KCNAB1: variants seen among roughly 807,000 people sequenced by gnomAD.
KCNAB1 encodes voltage-gated potassium channel subunit beta-1.
Under a neutral mutation model 64.6 loss-of-function variants are expected in KCNAB1, and 35 were observed. That is an observed-to-expected ratio of 0.54 (90% CI 0.41 to 0.72). KCNAB1 has a LOEUF of 0.72. Ranked by LOEUF, KCNAB1 falls within the 30% of genes least tolerant of loss-of-function variation. The pLI, the probability that KCNAB1 is intolerant of heterozygous loss-of-function variation, is 0.00. For synonymous variants in KCNAB1, 177 were observed against 183.8 expected (o/e 0.96, Z 0.30); for missense variants, 401 against 512.9 (o/e 0.78, Z 2.11).
chr3:156,468,352 C>CGT (rs374488333), intron 7 of KCNAB1, among the ~76,000 whole-genome samples: 21 of 151,178 alleles, frequency 1.4e-4, no homozygotes, highest in African/African-American at 3.9e-4. Context: ...TGTGTGCATG[C>CGT]GTGTGTGTGT....
intron 1 of KCNAB1, among the ~76,000 whole-genome samples, chr3:156,341,922 G>A (rs917650696): frequency 6.6e-6 from 1 of 151,980 alleles, no homozygotes; most frequent in Non-Finnish European, 1.5e-5. Flanking sequence ...TAGATTTCAT[G>A]ACAAACTAAT....
intron 1 of KCNAB1, among the ~76,000 whole-genome samples, chr3:156,328,328 A>G (rs1187038672): frequency 6.6e-6 from 1 of 152,144 alleles, no homozygotes; most frequent in African/African-American, 2.4e-5. Context: ...GAGCTATAGC[A>G]GAAGCTTGGA....
At chr3:156,313,137 T>G (rs983064683) in intron 1 of KCNAB1, among the ~76,000 whole-genome samples, 2 of 152,114 alleles carry the variant, frequency 1.3e-5, no homozygotes, top group African/African-American at 4.8e-5. Flanking sequence ...TTAAATGAAA[T>G]CCAATGAAAG....
chr3:156,465,788 T>C, intron 7 of KCNAB1, 102 bp downstream of exon 7: 2 of 967,530 alleles, frequency 2.1e-6, no homozygotes, highest in South Asian at 2.8e-5. Context: ...GAAAAAGTTC[T>C]ATATGAAAAG....
intron 8 of KCNAB1, among the ~76,000 whole-genome samples, chr3:156,491,170 A>G (rs1576934414): frequency 6.6e-6 from 1 of 152,152 alleles, no homozygotes; most frequent in South Asian, 2.1e-4. Context: ...ACCAACACAT[A>G]AAGATAAAGC....
At chr3:156,253,983 T>C (rs1717968078) in intron 1 of KCNAB1, among the ~76,000 whole-genome samples, 1 of 152,076 alleles carries the variant, frequency 6.6e-6, no homozygotes, top group African/African-American at 2.4e-5. Flanking sequence ...TGAGGCTTCT[T>C]AAAAGAGACA....
rs1351981579 is a variant in KCNAB1 at position 156,248,757 on chromosome 3, A to G, written c.275+127871A>G. 2.0e-5 allele frequency among the ~76,000 whole-genome samples: 3 copies of G among 152,236 alleles called. No homozygotes were observed. In the East Asian group the frequency reaches 5.8e-4, roughly 29 times the overall value. ...GAATAGTTCAGAAACATGGTAGACAAGCTTGCTGCCCAGCAAGATAGTATT... is the reference window on the plus strand; with the variant it reads ...GAATAGTTCAGAAACATGGTAGACAGGCTTGCTGCCCAGCAAGATAGTATT... On this transcript the variant is annotated intron_variant, in intron 1 of 13. Coordinates refer to ENST00000490337, the MANE Select transcript of KCNAB1 (RefSeq NM_172160.3).
chr3:156,208,009 AG>A (rs1481010838), intron 1 of KCNAB1, among the ~76,000 whole-genome samples: 5 of 152,214 alleles, frequency 3.3e-5, no homozygotes, highest in Non-Finnish European at 5.9e-5. Context: ...ATACAGACCA[AG>A]AGTGGTGATT....
At chr3:156,357,466 C>T (rs1725336329) in intron 1 of KCNAB1, among the ~76,000 whole-genome samples, 1 of 152,130 alleles carries the variant, frequency 6.6e-6, no homozygotes, top group East Asian at 1.9e-4. Context: ...ACATGTACTA[C>T]AAGATTCTGT....
chr3:156,469,612 G>T (rs985164155), intron 7 of KCNAB1, among the ~76,000 whole-genome samples: 1 of 152,030 alleles, frequency 6.6e-6, no homozygotes, highest in East Asian at 1.9e-4. Flanking sequence ...CTCTGAGGAT[G>T]GATAAACCAG....
chr3:156,219,436 C>G (rs1715549472), intron 1 of KCNAB1, among the ~76,000 whole-genome samples: 1 of 151,834 alleles, frequency 6.6e-6, no homozygotes, highest in African/African-American at 2.4e-5. Flanking sequence ...AAAAAATGAA[C>G]AAAACCTCCG....
chr3:156,321,693 C>G (rs1314361557), intron 1 of KCNAB1, among the ~76,000 whole-genome samples: 1 of 152,188 alleles, frequency 6.6e-6, no homozygotes, highest in Admixed American at 6.5e-5. Context: ...GAGTTCTAAA[C>G]TCTCAGCTTG....
intron 2 of KCNAB1, among the ~76,000 whole-genome samples, chr3:156,426,199 A>C (rs1014767001): frequency 6.6e-6 from 1 of 152,202 alleles, no homozygotes; most frequent in East Asian, 1.9e-4. Flanking sequence ...CAAACACTTC[A>C]GGGACAAGGA....
intron 1 of KCNAB1, among the ~76,000 whole-genome samples, chr3:156,230,692 C>T (rs1004399951): frequency 2.6e-5 from 4 of 151,956 alleles, no homozygotes; most frequent in East Asian, 1.9e-4. Context: ...GAAGTAAACA[C>T]GAGGGATGAT....
At chr3:156,126,374 C>A (rs1713655905) in intron 1 of KCNAB1, among the ~76,000 whole-genome samples, 1 of 152,016 alleles carries the variant, frequency 6.6e-6, no homozygotes, top group South Asian at 2.1e-4. Context: ...TAGTTGAAGT[C>A]TGTAGTAGAG....
At chr3:156,120,534 A>T, upstream of KCNAB1, 1 of 1,526,622 alleles carries the variant, frequency 6.6e-7, no homozygotes, top group South Asian at 1.2e-5. Flanking sequence ...GGGACGAGGG[A>T]GGGAGGCAGA....
chr3:156,368,204 G>A (rs1480229022), intron 1 of KCNAB1, among the ~76,000 whole-genome samples: 2 of 152,118 alleles, frequency 1.3e-5, no homozygotes, highest in Admixed American at 1.3e-4. Context: ...AAATGTATCC[G>A]TGATTGATCT....
intron 1 of KCNAB1, among the ~76,000 whole-genome samples, chr3:156,352,213 C>T (rs1724907290): frequency 6.6e-6 from 1 of 152,208 alleles, no homozygotes; most frequent in Admixed American, 6.5e-5. Context: ...GGGCTCCTCC[C>T]GGGGACCCGC....
At chr3:156,136,653 C>T (rs989562638) in intron 1 of KCNAB1, among the ~76,000 whole-genome samples, 4 of 152,230 alleles carry the variant, frequency 2.6e-5, no homozygotes, top group Admixed American at 1.3e-4. Flanking sequence ...CGACGCCGCT[C>T]ACCTACCTCT....
Sources: gnomAD v4.1 joint callset for allele counts (sites outside exome capture counted in the v4.1 genomes callset) on GRCh38, gnomAD v4.1.1 for gene constraint, MANE v1.5 for transcripts, NCBI Gene and HGNC (gene_info 2026-07-23, HGNC 2026-07-21) for gene names.